The following TMEM117 variants were observed in gnomAD, a reference collection of about 807,000 sequenced individuals.
The protein encoded by TMEM117 is transmembrane protein 117.
Under a neutral mutation model 52.4 loss-of-function variants are expected in TMEM117, and 27 were observed. The ratio of observed to expected loss-of-function variants is 0.51; its 90% CI spans 0.38 to 0.71. The LOEUF is 0.71. Among genes scored for constraint, TMEM117 ranks in the 30% least tolerant of loss-of-function variants. The pLI is 0.00. For synonymous variants in TMEM117, 215 were observed against 206.3 expected, an observed-to-expected ratio of 1.04 and a Z score of -0.36; for missense variants, 556 against 630.5, an observed-to-expected ratio of 0.88 and a Z score of 1.26.
intron 6 of TMEM117, among the ~76,000 whole-genome samples, chr12:44,375,643 T>C (rs1038927608): frequency 2.6e-5 from 4 of 152,196 alleles, no homozygotes; most frequent in Non-Finnish European, 5.9e-5. Context: ...GATCAAAATC[T>C]CAAATTAATA....
At chr12:43,939,693 GCCCTAA>G in intron 2 of TMEM117, among the ~76,000 whole-genome samples, 1 of 152,304 alleles carries the variant, frequency 6.6e-6, no homozygotes, top group Non-Finnish European at 1.5e-5. Context: ...GTGGGTGGCT[GCCCTAA>G]CTGGCACCAT....
intron 3 of TMEM117, among the ~76,000 whole-genome samples, chr12:44,070,798 C>T (rs921318476): frequency 4.6e-5 from 7 of 152,174 alleles, no homozygotes; most frequent in African/African-American, 1.2e-4. Context: ...CATTCAGCCT[C>T]CTCCAGTAAA....
At position 43,944,155 on chromosome 12, in the gene TMEM117, T is replaced by C; in HGVS notation, c.278-55T>C. 2.8e-6 allele frequency: 4 copies of C among 1,449,084 alleles called. No individual in the cohort carries two copies. The South Asian group carries it at 5.1e-5, about 19-fold the overall frequency. 89.8% of individuals were successfully genotyped at this position (1,449,084 alleles called of 1,614,324 possible). A position where few individuals can be genotyped will look rare whatever the true frequency, so the allele number is the denominator to read the frequency against. ...AAGATTCATTAAAATAAAGCAAAGA[T>C]CCATGAATTTTGAGTTACAGTGTAC... On this transcript the variant is annotated intron_variant, in intron 2 of 7. Coordinates refer to ENST00000266534, the MANE Select transcript of TMEM117 (RefSeq NM_032256.3).
At chr12:44,038,751 C>A (rs1013464098) in intron 3 of TMEM117, among the ~76,000 whole-genome samples, 2 of 152,200 alleles carry the variant, frequency 1.3e-5, no homozygotes, top group Non-Finnish European at 2.9e-5. Context: ...ATTTTCTTTT[C>A]TACTGAATCC....
chr12:44,079,612 C>T (rs962280966), intron 3 of TMEM117, among the ~76,000 whole-genome samples: 2 of 151,914 alleles, frequency 1.3e-5, no homozygotes, highest in Admixed American at 1.3e-4. Flanking sequence ...AAAGATATCT[C>T]AAGATATTTT....
chr12:44,194,289 T>C (rs1309463176), intron 4 of TMEM117, among the ~76,000 whole-genome samples: 1 of 152,194 alleles, frequency 6.6e-6, no homozygotes, highest in Admixed American at 6.5e-5. Flanking sequence ...AAGCAAGTGT[T>C]AATAAAAGTC....
intron 2 of TMEM117, among the ~76,000 whole-genome samples, chr12:43,847,401 C>T (rs1943228319): frequency 6.6e-6 from 1 of 152,154 alleles, no homozygotes; most frequent in Non-Finnish European, 1.5e-5. Flanking sequence ...CCTGATATCT[C>T]TTTAACCTGA....
At chr12:44,073,005 G>A (rs1221130294) in intron 3 of TMEM117, among the ~76,000 whole-genome samples, 2 of 151,648 alleles carry the variant, frequency 1.3e-5, no homozygotes, top group Non-Finnish European at 2.9e-5. Flanking sequence ...CAGGAGAATC[G>A]TTTGAACCCA....
In TMEM117 at chr12:44,143,599, TG is replaced by T; in HGVS notation, c.490del (p.Asp164ThrfsTer11). The T allele has an allele frequency of 1.2e-6, 2 of 1,613,758 alleles. No individual in the cohort carries two copies. The highest frequency in any genetic ancestry group is 1.7e-6 in the Non-Finnish European group (2 of 1,179,880). On this transcript the variant is annotated frameshift_variant, in exon 4 of 8. Transcript: ENST00000266534. LOFTEE classifies it high-confidence loss of function. Reference sequence around the variant, plus strand: ...AAATTAGCTGCAGTAGGGACCTGGATGGGGGACTTTGTCACAGCTTGGATGG... The same window carrying T: ...AAATTAGCTGCAGTAGGGACCTGGATGGGGACTTTGTCACAGCTTGGATGG... ...FMKLAAVGTW[M>X]GDFVTAWMVT...
chr12:43,920,111 C>T (rs902243483), intron 2 of TMEM117, among the ~76,000 whole-genome samples: 1 of 152,222 alleles, frequency 6.6e-6, no homozygotes, highest in African/African-American at 2.4e-5. Flanking sequence ...TCCCCAGTTT[C>T]CTGAGTTTGA....
chr12:44,397,544 A>G, the TMEM117 span, among the ~76,000 whole-genome samples: 1 of 152,336 alleles, frequency 6.6e-6, no homozygotes, highest in African/African-American at 2.4e-5. Context: ...CGGAAGCTCT[A>G]AAACTCGGAC....
chr12:44,179,397 C>G (rs76107276), intron 4 of TMEM117, among the ~76,000 whole-genome samples: 1,524 of 152,308 alleles, frequency 0.01, 9 homozygotes, highest in African/African-American at 0.016. Context: ...ATGCAAGCAT[C>G]AGTCTGAGGC....
intron 3 of TMEM117, among the ~76,000 whole-genome samples, chr12:44,060,167 A>G (rs1288408156): frequency 1.2e-4 from 18 of 152,176 alleles, no homozygotes; most frequent in Admixed American, 1.2e-3. Flanking sequence ...AGTGACTAGG[A>G]TACGTGGGAA....
At chr12:44,080,675 G>A (rs972379607) in intron 3 of TMEM117, among the ~76,000 whole-genome samples, 13 of 151,984 alleles carry the variant, frequency 8.6e-5, no homozygotes, top group Admixed American at 3.3e-4. Context: ...TGATTTTCAC[G>A]TTTTTAAATG....
intron 3 of TMEM117, among the ~76,000 whole-genome samples, chr12:44,100,440 A>G (rs894922771): frequency 1.3e-5 from 2 of 152,034 alleles, no homozygotes; most frequent in African/African-American, 4.8e-5. Context: ...TCTTAGATTT[A>G]CTGCACACGT....
At chr12:43,813,022 G>GCAGCAGCAC in the TMEM117 span, among the ~76,000 whole-genome samples, 1 of 149,438 alleles carries the variant, frequency 6.7e-6, no homozygotes, top group Admixed American at 6.6e-5. Context: ...AAAAAAAGCA[G>GCAGCAGCAC]CAGCAGCACC....
intron 2 of TMEM117, among the ~76,000 whole-genome samples, chr12:43,939,133 A>G (rs1257770304): frequency 6.6e-6 from 1 of 152,194 alleles, no homozygotes; most frequent in African/African-American, 2.4e-5. Context: ...CAGGAATATT[A>G]CTGGTATGTG....
intron 7 of TMEM117, among the ~76,000 whole-genome samples, chr12:44,384,081 T>G (rs548097422): frequency 2.0e-5 from 3 of 152,264 alleles, no homozygotes; most frequent in Non-Finnish European, 4.4e-5. Context: ...GACTTCACCT[T>G]CTGCTTTGCC....
intron 4 of TMEM117, among the ~76,000 whole-genome samples, chr12:44,173,562 T>C (rs1267055848): frequency 7.3e-6 from 1 of 137,046 alleles, no homozygotes; most frequent in African/African-American, 3.6e-5. Flanking sequence ...GTTTCATGAA[T>C]TGGCTGTTTG....
Sources: gnomAD v4.1 joint callset for allele counts (sites outside exome capture counted in the v4.1 genomes callset) on GRCh38, gnomAD v4.1.1 for gene constraint, MANE v1.5 for transcripts, NCBI Gene and HGNC (gene_info 2026-07-23, HGNC 2026-07-21) for gene names.